Variants in PPIP5K1 observed in about 807,000 individuals in gnomAD.
The protein encoded by PPIP5K1 is inositol hexakisphosphate and diphosphoinositol-pentakisphosphate kinase 1.
A neutral mutation model predicts 27.7 loss-of-function variants in PPIP5K1; 6 were observed. That is an observed-to-expected ratio of 0.22 (90% CI 0.12 to 0.43). The LOEUF is 0.43. Ranked by LOEUF, PPIP5K1 falls within the 20% of genes least tolerant of loss-of-function variation. The probability of loss-of-function intolerance (pLI) is 1.00; values close to 1 mark genes in which losing one functional copy is unlikely to be tolerated. For synonymous variants in PPIP5K1, 145 were observed against 242.6 expected, an observed-to-expected ratio of 0.60 and a Z score of 3.74; for missense variants, 394 against 635.4, an observed-to-expected ratio of 0.62 and a Z score of 4.08.
intron 31 of PPIP5K1, among the ~76,000 whole-genome samples, chr15:43,537,132 C>T (rs2079967987): frequency 1.3e-5 from 2 of 150,802 alleles, no homozygotes; most frequent in South Asian, 2.1e-4. Context: ...GTCAGGAGTT[C>T]GAGACCAGCC....
intron 1 of PPIP5K1, among the ~76,000 whole-genome samples, chr15:43,586,666 C>G (rs929489360): frequency 2.0e-5 from 2 of 98,656 alleles, no homozygotes; most frequent in Non-Finnish European, 4.2e-5. Context: ...CCACTGCACT[C>G]CAGCCTGGGT....
rs1299463750 is a variant in PPIP5K1, at chr15:43,543,547, T to A, written c.3557-3964A>T. Among the ~76,000 whole-genome samples, 3 of 151,984 alleles carry A rather than the reference T, an allele frequency of 2.0e-5. No homozygotes were observed. The East Asian group carries it at 5.8e-4, about 29-fold the overall frequency. On this transcript the variant is annotated intron_variant, in intron 30 of 31. Transcript: ENST00000420765. ...ATTTCCCCATGGAATCCTGGTTACT[T>A]TTAGTGGATAATGGTACATAGAGAC...
At chr15:43,536,363 G>A (rs1233467708) in intron 31 of PPIP5K1, 2 of 214,076 alleles carry the variant, frequency 9.3e-6, no homozygotes, top group Non-Finnish European at 1.9e-5. Flanking sequence ...AGGTTGCAGT[G>A]AGCCGAAATT....
chr15:43,551,143 G>A (rs2082134691), intron 30 of PPIP5K1, among the ~76,000 whole-genome samples: 3 of 152,092 alleles, frequency 2.0e-5, no homozygotes, highest in African/African-American at 7.2e-5. Context: ...AGTAGACTGA[G>A]TTACTTCTTT....
intron 30 of PPIP5K1, among the ~76,000 whole-genome samples, chr15:43,554,276 A>T (rs2140974014): frequency 6.6e-6 from 1 of 152,304 alleles, no homozygotes; most frequent in South Asian, 2.1e-4. Context: ...TTTATCTTCC[A>T]ATAAATTGAC....
rs2084657734 is a variant in PPIP5K1, at chr15:43,579,359, G to A, written c.1062-239C>T. The stretch of plus-strand genomic sequence containing the variant: ...ATGGGGAGGGGATGTTACTAGGGAG[G>A]AGTACATAGGGGCTTCGATTATATA... On this transcript the variant is annotated intron_variant, in intron 10 of 31. Transcript: ENST00000420765. Among the ~76,000 whole-genome samples the A allele has an allele frequency of 4.6e-5, 4 of 86,380 alleles. No homozygotes were observed. The South Asian group carries it at 1.6e-3, about 34-fold the overall frequency. 56.7% of individuals were successfully genotyped at this position (86,380 alleles called of 152,430 possible). A position where few individuals can be genotyped will look rare whatever the true frequency, so the allele number is the denominator to read the frequency against.
At chr15:43,537,671 G>A (rs1178610553) in intron 31 of PPIP5K1, among the ~76,000 whole-genome samples, 32 of 130,410 alleles carry the variant, frequency 2.5e-4, no homozygotes, top group Admixed American at 9.7e-4. Context: ...CCTGGGTGAC[G>A]GAGCAAGACT....
At chr15:43,538,386 T>C (rs1210155470) in intron 31 of PPIP5K1, among the ~76,000 whole-genome samples, 2 of 152,148 alleles carry the variant, frequency 1.3e-5, no homozygotes, top group Non-Finnish European at 2.9e-5. Context: ...TTACCAAAAA[T>C]AACTAGTGAT....
chr15:43,536,431 AAAAAG>A (rs2079872308), intron 31 of PPIP5K1, among the ~76,000 whole-genome samples: 1 of 152,114 alleles, frequency 6.6e-6, no homozygotes, highest in Non-Finnish European at 1.5e-5. Context: ...AAAAAAAAAA[AAAAAG>A]AAAATAGTTT....
chr15:43,552,933 C>T (rs936694485), intron 30 of PPIP5K1, among the ~76,000 whole-genome samples: 2 of 152,016 alleles, frequency 1.3e-5, no homozygotes, highest in African/African-American at 4.8e-5. Flanking sequence ...GTCCCAGCTA[C>T]TCAGGAGGCT....
At chr15:43,543,809 T>A (rs551697932) in intron 30 of PPIP5K1, among the ~76,000 whole-genome samples, 92 of 150,644 alleles carry the variant, frequency 6.1e-4, no homozygotes, top group African/African-American at 2.0e-3. Context: ...TATATATATA[T>A]AAAATATATA....
chr15:43,550,719 C>G (rs2082090332), intron 30 of PPIP5K1, among the ~76,000 whole-genome samples: 1 of 152,192 alleles, frequency 6.6e-6, no homozygotes, highest in Non-Finnish European at 1.5e-5. Flanking sequence ...TGTTACACTA[C>G]TGAGTATGAT....
At chr15:43,546,212 G>A (rs191698744) in intron 30 of PPIP5K1, among the ~76,000 whole-genome samples, 2 of 152,218 alleles carry the variant, frequency 1.3e-5, no homozygotes, top group East Asian at 1.9e-4. Context: ...AATATGTATC[G>A]GTACTTCATT....
intron 30 of PPIP5K1, among the ~76,000 whole-genome samples, chr15:43,549,056 A>AAAATAT (rs1567039538): frequency 3.7e-5 from 2 of 54,290 alleles, no homozygotes; most frequent in African/African-American, 1.3e-4. Flanking sequence ...AAAAAAAAAA[A>AAAATAT]ATATATATAT....
chr15:43,553,738 G>A (rs1385181517), intron 30 of PPIP5K1, among the ~76,000 whole-genome samples: 4 of 150,098 alleles, frequency 2.7e-5, no homozygotes, highest in Non-Finnish European at 4.4e-5. Flanking sequence ...TCCACCTCCC[G>A]GGTTCATGCC....
At chr15:43,546,009 TG>T (rs201805644) in intron 30 of PPIP5K1, among the ~76,000 whole-genome samples, 1 of 150,474 alleles carries the variant, frequency 6.6e-6, no homozygotes, top group Non-Finnish European at 1.5e-5. Flanking sequence ...TTTCACTTTA[TG>T]GGGAAAAAAA....
chr15:43,543,251 AAAC>A (rs1402763712), intron 30 of PPIP5K1, among the ~76,000 whole-genome samples: 1 of 114,636 alleles, frequency 8.7e-6, no homozygotes, highest in South Asian at 3.1e-4. Context: ...AAAAAATTCT[AAAC>A]AAACTGCTGG....
chr15:43,556,807 A>C (rs1402453198), intron 30 of PPIP5K1, among the ~76,000 whole-genome samples: 1 of 152,216 alleles, frequency 6.6e-6, no homozygotes, highest in African/African-American at 2.4e-5. Context: ...TGTCATCTTC[A>C]AGAGCACAAC....
intron 26 of PPIP5K1, among the ~76,000 whole-genome samples, chr15:43,567,045 C>A (rs148553603): frequency 3.1e-5 from 2 of 65,236 alleles, no homozygotes; most frequent in African/African-American, 1.8e-4. Context: ...TCTAGTCTGT[C>A]TGAAACCTAT....
Sources: gnomAD v4.1 joint callset for allele counts (sites outside exome capture counted in the v4.1 genomes callset) on GRCh38, gnomAD v4.1.1 for gene constraint, MANE v1.5 for transcripts, NCBI Gene and HGNC (gene_info 2026-07-23, HGNC 2026-07-21) for gene names.